LAMA4: variants seen among roughly 807,000 people sequenced by gnomAD.
LAMA4 encodes laminin subunit alpha-4.
Under a neutral mutation model 207.1 loss-of-function variants are expected in LAMA4, and 127 were observed. The observed-to-expected ratio is 0.61, with a 90% CI of 0.53 to 0.71. The LOEUF is 0.71. Ranked by LOEUF, LAMA4 falls within the 30% of genes least tolerant of loss-of-function variation. The pLI, the probability that LAMA4 is intolerant of heterozygous loss-of-function variation, is 0.00. For synonymous variants in LAMA4, 761 were observed against 816.0 expected (o/e 0.93, Z 1.15); for missense variants, 2,093 against 2,246.5 (o/e 0.93, Z 1.38).
Position 112,175,325 on chromosome 6 carries a change from C to G in LAMA4, c.1345G>C (p.Glu449Gln). The G allele has an allele frequency of 6.2e-7, 1 of 1,614,074 alleles. No homozygotes were observed. Among genetic ancestry groups the G allele is most frequent in the Non-Finnish European group, 8.5e-7 (1 of 1,179,970 alleles). The stretch of plus-strand genomic sequence containing the variant: ...GGAATACACCTACGTTCGTAAGCCT[C>G]ATCTGCCTCCTCATCCACGAGCTCC... ...QRELVDEEAD[E>Q]AYELLSQAES... Residue 449 changes from glutamate (E) to glutamine (Q), a missense_variant, in exon 11 of 39, where the codon GAG becomes CAG. Around this residue, in one of 3 missense-constraint regions of LAMA4, gnomAD observed 1,704 missense variants for 1,788.4 expected, o/e 0.95. Coordinates refer to ENST00000230538, the MANE Select transcript of LAMA4 (RefSeq NM_001105206.3).
intron 13 of LAMA4, 45 bp from the exon 14 acceptor site, chr6:112,158,925 T>G: frequency 7.3e-7 from 1 of 1,360,828 alleles, no homozygotes; most frequent in Middle Eastern, 1.8e-4. Context: ...TAGAAGAACT[T>G]AAAACATTTT....
At chr6:112,194,684 C>A (rs1400003078) in intron 5 of LAMA4, among the ~76,000 whole-genome samples, 3 of 152,180 alleles carry the variant, frequency 2.0e-5, no homozygotes, top group African/African-American at 7.2e-5. Flanking sequence ...GTTCTTTCCA[C>A]TCCAGCAGTC....
intron 12 of LAMA4, among the ~76,000 whole-genome samples, chr6:112,166,859 T>C (rs1218091795): frequency 3.3e-5 from 5 of 152,086 alleles, no homozygotes; most frequent in African/African-American, 1.2e-4. Context: ...GCATATTACA[T>C]ATGCAAAAAA....
In LAMA4 at chr6:112,158,020, T is replaced by C. The variant is rs562937944; in HGVS notation, c.1817+712A>G. ...TGGTTCTTATTTTATTAATGACCTT[T>C]ACTGGTCCTTTTTTCCTAGTCTTTC... On this transcript the variant is annotated intron_variant, in intron 14 of 38. Transcript: ENST00000230538. The C allele has an allele frequency of 2.6e-5, 4 of 152,384 alleles. No homozygotes were observed. In the South Asian group the frequency reaches 6.2e-4, roughly 24 times the overall value. The allele number at this position is 152,384 out of a possible 1,614,324, so 9.4% of individuals were successfully genotyped here.
At chr6:112,181,292 G>A (rs922087343) in intron 9 of LAMA4, among the ~76,000 whole-genome samples, 8 of 152,186 alleles carry the variant, frequency 5.3e-5, no homozygotes, top group East Asian at 1.9e-4. Context: ...GCAGAGGGAC[G>A]TTTCTAAAGT....
intron 18 of LAMA4, among the ~76,000 whole-genome samples, chr6:112,147,455 A>G (rs939102126): frequency 3.9e-5 from 6 of 152,188 alleles, no homozygotes; most frequent in Non-Finnish European, 4.4e-5. Flanking sequence ...GCAAAACCAT[A>G]TTGGAGAACA....
Position 112,142,293 on chromosome 6 carries a change from C to G in LAMA4, c.2494-1G>C. On this transcript the variant is annotated splice_acceptor_variant, in intron 19 of 38. Coordinates refer to ENST00000230538, the MANE Select transcript of LAMA4 (RefSeq NM_001105206.3). LOFTEE classifies it high-confidence loss of function. ...CATCAAACATCATGGAGACTTGGAT[C>G]TGGAGTGACACAACGGTTTCATTAA... is the stretch of plus-strand genomic sequence containing the variant. 6.2e-7 allele frequency: 1 copy of G among 1,614,042 alleles called. No homozygotes were observed. Among genetic ancestry groups the G allele is most frequent in the East Asian group, 2.2e-5 (1 of 44,882 alleles).
chr6:112,232,240 C>T (rs75037373), intron 2 of LAMA4, among the ~76,000 whole-genome samples: 1,596 of 152,226 alleles, frequency 0.01, 33 homozygotes, highest in African/African-American at 0.037. Flanking sequence ...CACTCAGCTC[C>T]TTAATTTGGG....
chr6:112,238,715 TAAATAAAC>T (rs1328676494), intron 2 of LAMA4, among the ~76,000 whole-genome samples: 10 of 151,824 alleles, frequency 6.6e-5, no homozygotes, highest in African/African-American at 2.4e-4. Flanking sequence ...TACAAATAAA[TAAATAAAC>T]AAATAAATAA....
At chr6:112,252,873 G>A (rs1554190134) in intron 2 of LAMA4, among the ~76,000 whole-genome samples, 1 of 152,144 alleles carries the variant, frequency 6.6e-6, no homozygotes, top group African/African-American at 2.4e-5. Context: ...ACAGTGAGAG[G>A]TTGGCATATT....
intron 2 of LAMA4, among the ~76,000 whole-genome samples, chr6:112,227,408 G>A (rs373040809): frequency 1.3e-5 from 2 of 151,980 alleles, no homozygotes; most frequent in African/African-American, 2.4e-5. Context: ...GGACATACAC[G>A]TTCTCATGAA....
chr6:112,254,325 G>C, intron 1 of LAMA4, 34 bp from the exon 2 acceptor site: 2 of 722,670 alleles, frequency 2.8e-6, no homozygotes, highest in South Asian at 3.4e-5. Context: ...GAGAGTAAGG[G>C]AGAGTTCCAG....
In LAMA4 at chr6:112,189,132, T is replaced by G. The variant is rs201232520; in HGVS notation, c.792A>C (p.Thr264=). The G allele has an allele frequency of 6.2e-7, 1 of 1,613,764 alleles. No individual in the cohort carries two copies. The change falls in exon 7 of 39, where the codon ACA becomes ACC. Residue 264 remains threonine, a synonymous_variant. Coordinates refer to ENST00000230538, the MANE Select transcript of LAMA4 (RefSeq NM_001105206.3). ...ECLEEGFEPP[T]GMDCPTISCD... ...TACTTATGGTTGGGCAGTCCATGCC[T>G]GTAGGGGGTTCAAAACCTTCTTCCA...
rs782679484 is a variant in LAMA4 at position 112,114,098 on chromosome 6, A to T, written c.5304T>A (p.Pro1768=). Residue 1768 remains proline, a synonymous_variant, in exon 38 of 39, where the codon CCT becomes CCA. Transcript: ENST00000230538. ...TACCTGGAACACCTCCAACAAACAC[A>T]GGCTCCCTGTGATCAATTGGTTTTG... is the stretch of plus-strand genomic sequence containing the variant. The part of the protein sequence containing the change: ...LNPKPIDHRE[P]VFVGGVPESL... 6.2e-7 allele frequency: 1 copy of T among 1,613,964 alleles called. No homozygotes were observed. Among genetic ancestry groups the T allele is most frequent in the South Asian group, 1.1e-5 (1 of 91,086 alleles).
chr6:112,152,469 T>G (rs1316933182), intron 16 of LAMA4, among the ~76,000 whole-genome samples: 3 of 152,254 alleles, frequency 2.0e-5, no homozygotes, highest in East Asian at 3.9e-4. Flanking sequence ...CAGATCATGA[T>G]GTAATTACCT....
chr6:112,186,020 A>G (rs540294091), intron 8 of LAMA4, among the ~76,000 whole-genome samples: 2 of 152,338 alleles, frequency 1.3e-5, no homozygotes, highest in African/African-American at 4.8e-5. Context: ...AATTTTGGAC[A>G]AGAACAATTT....
At position 112,175,409 on chromosome 6, in the gene LAMA4, C is replaced by A; in HGVS notation, c.1261G>T (p.Val421Leu). 8 of 1,614,154 alleles carry A rather than the reference C, an allele frequency of 5.0e-6. No individual in the cohort carries two copies. The highest frequency in any genetic ancestry group is 6.8e-6 in the Non-Finnish European group (8 of 1,180,008). Residue 421 changes from valine to leucine, a missense_variant, in exon 11 of 39, where the codon GTG becomes TTG. By Grantham distance (32) the Val-to-Leu change is conservative (BLOSUM62 1). Transcript: ENST00000230538. The stretch of plus-strand genomic sequence containing the variant: ...TCTTCAAGCATCTTCTGGGCCAACA[C>A]CAGCTTCTCAGAGATTTCCTTGGGG... Reference protein sequence around the residue: ...LSPKEISEKLVLAQKMLEEIR... With the variant: ...LSPKEISEKLLLAQKMLEEIR...
At chr6:112,168,266 C>G (rs1385151183) in intron 12 of LAMA4, among the ~76,000 whole-genome samples, 1 of 150,432 alleles carries the variant, frequency 6.6e-6, no homozygotes, top group African/African-American at 2.4e-5. Context: ...TGTGATGAAG[C>G]CTGGTGATCA....
intron 3 of LAMA4, among the ~76,000 whole-genome samples, chr6:112,210,262 G>T (rs782812837): frequency 2.0e-5 from 3 of 151,672 alleles, no homozygotes; most frequent in Non-Finnish European, 2.9e-5. Context: ...GCAAAGCATA[G>T]GAATAAAGAA....
Sources: gnomAD v4.1 joint callset for allele counts (sites outside exome capture counted in the v4.1 genomes callset) on GRCh38, gnomAD v4.1.1 for gene constraint, gnomAD v4.1.1 regional missense constraint, MANE v1.5 for transcripts, NCBI Gene and HGNC (gene_info 2026-07-23, HGNC 2026-07-21) for gene names.